ASTN2: variants seen among roughly 807,000 people sequenced by gnomAD.
The protein encoded by ASTN2 is astrotactin 2.
A neutral mutation model predicts 139.8 loss-of-function variants in ASTN2; 54 were observed. The observed-to-expected ratio is 0.39, with a 90% CI of 0.31 to 0.48. The LOEUF is 0.48. ASTN2 is among the 20% of genes least tolerant of loss of function. The pLI, the probability that ASTN2 is intolerant of heterozygous loss-of-function variation, is 0.95. For missense variants in ASTN2, 1,565 were observed against 1,725.1 expected, an observed-to-expected ratio of 0.91 and a Z score of 1.64; for synonymous variants, 756 against 719.5, an observed-to-expected ratio of 1.05 and a Z score of -0.81.
At chr9:116,432,362 G>T (rs1847524300) in intron 22 of ASTN2, among the ~76,000 whole-genome samples, 1 of 152,110 alleles carries the variant, frequency 6.6e-6, no homozygotes, top group African/African-American at 2.4e-5. Context: ...CACATATCTT[G>T]GGATGTAATG....
chr9:116,771,264 G>A (rs996353523), intron 13 of ASTN2, among the ~76,000 whole-genome samples: 1 of 152,044 alleles, frequency 6.6e-6, no homozygotes, highest in Non-Finnish European at 1.5e-5. Flanking sequence ...AGTCAGACTA[G>A]ACAAGACCTG....
At chr9:117,325,884 A>G (rs185811385) in intron 1 of ASTN2, among the ~76,000 whole-genome samples, 77 of 152,312 alleles carry the variant, frequency 5.1e-4, no homozygotes, top group African/African-American at 1.6e-3. Context: ...GTCAGTCCCC[A>G]GGCAGGTCAT....
At chr9:116,725,979 G>T (rs760515204) in intron 15 of ASTN2, 29 bp from the exon 16 acceptor site, 2 of 1,588,060 alleles carry the variant, frequency 1.3e-6, no homozygotes, top group Non-Finnish European at 1.7e-6. Flanking sequence ...TGTGGAGGTG[G>T]TCAGATGTGA....
chr9:116,554,477 A>C (rs1467186325), intron 19 of ASTN2, among the ~76,000 whole-genome samples: 1 of 152,216 alleles, frequency 6.6e-6, no homozygotes, highest in Non-Finnish European at 1.5e-5. Flanking sequence ...GGAACACATC[A>C]GAATCAAATC....
intron 1 of ASTN2, among the ~76,000 whole-genome samples, chr9:117,314,356 C>T (rs961597876): frequency 3.9e-5 from 6 of 152,122 alleles, no homozygotes; most frequent in East Asian, 3.9e-4. Context: ...ACAGTGAGTG[C>T]TCTTGGCCAA....
intron 17 of ASTN2, among the ~76,000 whole-genome samples, chr9:116,621,930 G>A (rs553011229): frequency 4.6e-5 from 7 of 152,214 alleles, no homozygotes; most frequent in Admixed American, 2.0e-4. Flanking sequence ...ACATTTCAAC[G>A]CACTGCACAT....
chr9:117,187,969 G>C (rs1204991681), intron 3 of ASTN2, among the ~76,000 whole-genome samples: 1 of 152,118 alleles, frequency 6.6e-6, no homozygotes, highest in African/African-American at 2.4e-5. Context: ...CCAAGGCTTG[G>C]AGCAGGGTTT....
chr9:117,349,543 T>C (rs534214187), intron 1 of ASTN2, among the ~76,000 whole-genome samples: 1 of 152,240 alleles, frequency 6.6e-6, no homozygotes, highest in South Asian at 2.1e-4. Context: ...GAAAAAATAC[T>C]GAAAAAGAAT....
intron 17 of ASTN2, among the ~76,000 whole-genome samples, chr9:116,640,097 G>A (rs1857258602): frequency 1.3e-5 from 2 of 152,030 alleles, no homozygotes; most frequent in Non-Finnish European, 2.9e-5. Flanking sequence ...ATGTTCTCTC[G>A]GTGAGGGAAA....
intron 11 of ASTN2, among the ~76,000 whole-genome samples, chr9:116,849,672 G>C (rs1832539052): frequency 6.6e-6 from 1 of 152,096 alleles, no homozygotes; most frequent in African/African-American, 2.4e-5. Context: ...ACTTATTCAG[G>C]GGTCAGGGCC....
intron 5 of ASTN2, among the ~76,000 whole-genome samples, chr9:117,050,935 T>C (rs919640225): frequency 2.3e-4 from 35 of 152,190 alleles, no homozygotes; most frequent in Admixed American, 3.9e-4. Context: ...CCCCCATATG[T>C]TGTCCTTTCT....
Position 117,042,931 on chromosome 9 carries a change from C to T in ASTN2, c.1277-2966G>A, listed in dbSNP as rs139865783. 5.9e-3 allele frequency among the ~76,000 whole-genome samples: 893 copies of T among 152,092 alleles called. 9 individuals are homozygous for T. The highest frequency in any genetic ancestry group is 0.02 in the African/African-American group (846 of 41,484). On this transcript the variant is annotated intron_variant, in intron 5 of 22. Transcript: ENST00000313400. The stretch of plus-strand genomic sequence containing the variant: ...TGTTGCCCAGGCTGGAGTGTGGTGG[C>T]GCAATCTCAGCTCATTGCAATTTCC...
At chr9:117,034,340 G>T (rs554309453) in intron 6 of ASTN2, among the ~76,000 whole-genome samples, 6 of 152,114 alleles carry the variant, frequency 3.9e-5, no homozygotes, top group Non-Finnish European at 8.8e-5. Flanking sequence ...ATTTTGATGA[G>T]GTCCAAACCT....
intron 1 of ASTN2, among the ~76,000 whole-genome samples, chr9:117,339,798 C>G (rs145257821): frequency 7.9e-4 from 119 of 151,560 alleles, no homozygotes; most frequent in African/African-American, 2.8e-3. Context: ...GAGAAGCACA[C>G]ATACCACTCA....
rs949658602 is a variant in ASTN2 at position 116,698,056 on chromosome 9, G to A, written c.2806+27715C>T. On this transcript the variant is annotated intron_variant, in intron 16 of 22. Transcript: ENST00000313400. The surrounding 1 kb of genome is among the most constrained non-coding windows in gnomAD (Gnocchi z 4.4). ...CTGCTCATGTGTCGGTCCTGTGGGC[G>A]GCGTCTGCCCCGGCAATTCTGCCGG... The A allele has an allele frequency of 1.1e-5, 17 of 1,613,858 alleles. No homozygotes were observed. The African/African-American group carries it at 1.3e-4, about 13-fold the overall frequency.
chr9:117,121,028 C>T (rs893158214), intron 4 of ASTN2, among the ~76,000 whole-genome samples: 2 of 152,148 alleles, frequency 1.3e-5, no homozygotes, highest in Non-Finnish European at 2.9e-5. Context: ...AGTATGTGTC[C>T]ATTAATATGG....
At chr9:116,608,466 G>C (rs1358381586) in intron 19 of ASTN2, among the ~76,000 whole-genome samples, 1 of 152,118 alleles carries the variant, frequency 6.6e-6, no homozygotes, top group Non-Finnish European at 1.5e-5. Flanking sequence ...ATTAGCCCTA[G>C]ACTAAACACT....
chr9:116,456,679 C>T (rs1488501636), intron 20 of ASTN2, among the ~76,000 whole-genome samples: 1 of 152,078 alleles, frequency 6.6e-6, no homozygotes, highest in Non-Finnish European at 1.5e-5. Flanking sequence ...ATAAAATGAT[C>T]AAATCTTGTG....
intron 5 of ASTN2, among the ~76,000 whole-genome samples, chr9:117,072,115 C>A (rs1283463458): frequency 6.6e-6 from 1 of 152,154 alleles, no homozygotes; most frequent in African/African-American, 2.4e-5. Flanking sequence ...AATTCATACA[C>A]TTCAAGTCCA....
Sources: gnomAD v4.1 joint callset for allele counts (sites outside exome capture counted in the v4.1 genomes callset) on GRCh38, gnomAD v4.1.1 for gene constraint, Gnocchi (gnomAD v3.1) non-coding constraint, MANE v1.5 for transcripts, NCBI Gene and HGNC (gene_info 2026-07-23, HGNC 2026-07-21) for gene names.